PHACTR4: variants seen among roughly 807,000 people sequenced by gnomAD.
The protein encoded by PHACTR4 is protein phosphatase 1, regulatory subunit 124.
Under a neutral mutation model 72.7 loss-of-function variants are expected in PHACTR4, and 51 were observed. The observed-to-expected ratio is 0.70, with a 90% CI of 0.56 to 0.89. The LOEUF is 0.89. Ranked by LOEUF, PHACTR4 falls within the 40% of genes least tolerant of loss-of-function variation. PHACTR4 has a pLI of 0.00. For synonymous variants in PHACTR4, 255 were observed against 302.5 expected (o/e 0.84, Z 1.63); for missense variants, 731 against 861.8 (o/e 0.85, Z 1.90).
chr1:28,420,597 C>A lies in PHACTR4; in HGVS notation c.16+13134C>A, dbSNP rs2124338364. 1.3e-5 allele frequency among the ~76,000 whole-genome samples: 2 copies of A among 152,260 alleles called. 1 individual carries two copies. The highest frequency in any genetic ancestry group is 4.2e-4 in the South Asian group (2 of 4,818). On this transcript the variant is annotated intron_variant, in intron 2 of 13. Transcript: ENST00000373839. ...CAAACTAATACAAGCCATGATTGTGCCACTGCACTCCAGCCTGGGTGACAG... is the reference window on the plus strand; with the variant it reads ...CAAACTAATACAAGCCATGATTGTGACACTGCACTCCAGCCTGGGTGACAG...
intron 1 of PHACTR4, among the ~76,000 whole-genome samples, chr1:28,397,204 T>C (rs1269790449): frequency 6.6e-6 from 1 of 152,162 alleles, no homozygotes; most frequent in Non-Finnish European, 1.5e-5. Context: ...CTGCCAACTA[T>C]ATGCCAGGCA....
intron 13 of PHACTR4, among the ~76,000 whole-genome samples, chr1:28,495,061 T>C (rs1054680642): frequency 1.3e-5 from 2 of 152,216 alleles, no homozygotes; most frequent in East Asian, 3.8e-4. Flanking sequence ...TGGCAATTTG[T>C]TGGATTCCAG....
At chr1:28,430,310 C>T (rs1656166064) in intron 2 of PHACTR4, among the ~76,000 whole-genome samples, 1 of 152,184 alleles carries the variant, frequency 6.6e-6, no homozygotes, top group Admixed American at 6.5e-5. Flanking sequence ...AGGCATGAGC[C>T]ACTGCGCCCG....
chr1:28,403,655 G>C lies in PHACTR4; in HGVS notation c.-38-3755G>C, dbSNP rs941468819. 7.2e-5 allele frequency among the ~76,000 whole-genome samples: 11 copies of C among 152,126 alleles called. No homozygotes were observed. The East Asian group carries it at 1.7e-3, about 24-fold the overall frequency. On this transcript the variant is annotated intron_variant, in intron 1 of 13. Coordinates refer to ENST00000373839, the MANE Select transcript of PHACTR4 (RefSeq NM_001048183.3). ...ATGGCTTTTAATATATTTGCAAGTT[G>C]TGTAACCATCACTCTAACCAATTTT...
chr1:28,492,129 T>C (rs1237263123), intron 12 of PHACTR4, among the ~76,000 whole-genome samples: 1 of 152,162 alleles, frequency 6.6e-6, no homozygotes, highest in African/African-American at 2.4e-5. Flanking sequence ...TTCATTTTTA[T>C]AATGCTGTGA....
At chr1:28,473,461 T>G (rs963533201) in intron 6 of PHACTR4, 93 bp from the exon 7 acceptor site, 1 of 925,936 alleles carries the variant, frequency 1.1e-6, no homozygotes, top group Non-Finnish European at 1.7e-6. Context: ...CTTAAAAGAT[T>G]AAAACTGAAC....
chr1:28,475,326 A>G (rs2124509035), intron 7 of PHACTR4, among the ~76,000 whole-genome samples: 1 of 151,888 alleles, frequency 6.6e-6, no homozygotes, highest in South Asian at 2.1e-4. Context: ...TTACAAAATT[A>G]TGTACATGAA....
intron 9 of PHACTR4, among the ~76,000 whole-genome samples, chr1:28,482,951 A>AG (rs1459037771): frequency 6.6e-6 from 1 of 151,608 alleles, no homozygotes; most frequent in African/African-American, 2.4e-5. Flanking sequence ...AAAAAAAAAA[A>AG]AAGAGACACC....
intron 2 of PHACTR4, among the ~76,000 whole-genome samples, chr1:28,437,502 T>A (rs1433712875): frequency 6.6e-6 from 1 of 152,174 alleles, no homozygotes; most frequent in East Asian, 1.9e-4. Flanking sequence ...AGTGCTAGGA[T>A]TACAGGCATG....
intron 1 of PHACTR4, among the ~76,000 whole-genome samples, chr1:28,372,043 G>C (rs1219694145): frequency 6.6e-6 from 1 of 150,796 alleles, no homozygotes; most frequent in Admixed American, 6.6e-5. Context: ...CACCACTCCC[G>C]GCTAATTTTT....
intron 8 of PHACTR4, among the ~76,000 whole-genome samples, chr1:28,477,876 C>T (rs553236632): frequency 1.6e-4 from 24 of 151,750 alleles, no homozygotes; most frequent in African/African-American, 5.8e-4. Context: ...TTTATAGAGA[C>T]AGCGTTTCAC....
chr1:28,457,575 C>T (rs1392182815), intron 2 of PHACTR4, among the ~76,000 whole-genome samples: 1 of 151,878 alleles, frequency 6.6e-6, no homozygotes, highest in Non-Finnish European at 1.5e-5. Context: ...TGCACTTCAT[C>T]CTGGGCAACA....
Position 28,410,040 on chromosome 1 carries a change from C to T in PHACTR4, c.16+2577C>T, listed in dbSNP as rs117117571. On this transcript the variant is annotated intron_variant, in intron 2 of 13. Transcript: ENST00000373839. ...GGAGTGCAGTGGGGTGATCTGGGCT[C>T]GCTGCAATCTCCGCCTCCCGAGTTC... Among the ~76,000 whole-genome samples, 15 of 112,762 alleles carry T rather than the reference C, an allele frequency of 1.3e-4. No individual in the cohort carries two copies. In the East Asian group the frequency reaches 4.1e-3, roughly 31 times the overall value. The allele number at this position is 112,762 out of a possible 152,430, so 74.0% of individuals were successfully genotyped here. A position where few individuals can be genotyped will look rare whatever the true frequency, so the allele number is the denominator to read the frequency against.
intron 2 of PHACTR4, among the ~76,000 whole-genome samples, chr1:28,455,159 C>T (rs921451362): frequency 3.4e-5 from 5 of 148,648 alleles, no homozygotes; most frequent in Non-Finnish European, 4.4e-5. Flanking sequence ...CATGAGCCAC[C>T]GCATCTGGCC....
rs1307561966 is a variant in PHACTR4, at chr1:28,476,264, G to T, written c.1579G>T (p.Glu527Ter). The change falls in exon 8 of 14, where the codon GAA (glutamate) becomes TAA (stop). Residue 527 changes from glutamate to a stop codon, truncating the protein, a stop_gained. Coordinates refer to ENST00000373839, the MANE Select transcript of PHACTR4 (RefSeq NM_001048183.3). LOFTEE classifies it high-confidence loss of function. ...DSEGPIQYRD[E>*]EDEDESYQSA... ...AGAAGGTCCCATTCAGTACCGAGAT[G>T]AAGAAGATGAAGATGAAAGCTATCA... 3 of 1,600,298 alleles carry T rather than the reference G, an allele frequency of 1.9e-6. No homozygotes were observed. The highest frequency in any genetic ancestry group is 3.6e-5 in the Admixed American group (2 of 55,932).
chr1:28,423,421 A>G (rs545415254), intron 2 of PHACTR4, among the ~76,000 whole-genome samples: 1 of 125,968 alleles, frequency 7.9e-6, no homozygotes, highest in African/African-American at 4.4e-5. Flanking sequence ...ATAAATAAAT[A>G]AATAAATAAA....
chr1:28,407,610 A>T (rs976249712), intron 2 of PHACTR4, 147 bp downstream of exon 2: 87 of 544,796 alleles, frequency 1.6e-4, no homozygotes, highest in Non-Finnish European at 9.1e-5. Context: ...CTTCTATAAG[A>T]ATTCAGTTAT....
At chr1:28,412,627 C>T (rs751153781) in intron 2 of PHACTR4, among the ~76,000 whole-genome samples, 1 of 152,176 alleles carries the variant, frequency 6.6e-6, no homozygotes, top group Non-Finnish European at 1.5e-5. Flanking sequence ...GTTTTGCTCA[C>T]CATTGCTTTT....
At chr1:28,416,550 GA>G (rs1308373635) in intron 2 of PHACTR4, among the ~76,000 whole-genome samples, 1 of 152,178 alleles carries the variant, frequency 6.6e-6, no homozygotes, top group Non-Finnish European at 1.5e-5. Flanking sequence ...TAGAAGCCTG[GA>G]AAGGCAGTAA....
Sources: allele counts gnomAD v4.1 joint callset (sites outside exome capture counted in the v4.1 genomes callset), GRCh38; gene constraint gnomAD v4.1.1; transcripts MANE v1.5; gene names NCBI Gene and HGNC (gene_info 2026-07-23, HGNC 2026-07-21).